Variants in SRFBP1 observed in about 807,000 individuals in gnomAD.
SRFBP1 encodes the protein serum response factor binding protein 1.
A neutral mutation model predicts 45.5 loss-of-function variants in SRFBP1; 47 were observed. The ratio of observed to expected loss-of-function variants is 1.03; its 90% confidence interval spans 0.82 to 1.32. The LOEUF is 1.32. SRFBP1 is among the 40% of genes most tolerant of loss of function. The pLI is 0.00. For synonymous variants in SRFBP1, 203 were observed against 166.3 expected (o/e 1.22, Z -1.70); for missense variants, 621 against 484.6 (o/e 1.28, Z -2.64).
At chr5:121,968,132 T>C (rs1309132570) in intron 1 of SRFBP1, among the ~76,000 whole-genome samples, 1 of 151,996 alleles carries the variant, frequency 6.6e-6, no homozygotes, top group Non-Finnish European at 1.5e-5. Flanking sequence ...TTACAAATTA[T>C]AAATTGTAGT....
intron 7 of SRFBP1, among the ~76,000 whole-genome samples, chr5:122,024,850 A>T (rs1299952355): frequency 6.6e-6 from 1 of 152,234 alleles, no homozygotes; most frequent in Non-Finnish European, 1.5e-5. Context: ...GTTTATTTAC[A>T]TATACAACTC....
intron 2 of SRFBP1, among the ~76,000 whole-genome samples, chr5:122,035,590 AT>A (rs1415602725): frequency 6.6e-6 from 1 of 152,136 alleles, no homozygotes; most frequent in East Asian, 1.9e-4. Flanking sequence ...AAGAAAATTT[AT>A]GATTTTGTAA....
intron 4 of SRFBP1, among the ~76,000 whole-genome samples, chr5:122,001,552 T>C (rs1267384845): frequency 7.5e-6 from 1 of 132,856 alleles, no homozygotes; most frequent in Non-Finnish European, 1.6e-5. Flanking sequence ...GTATCTTTTT[T>C]TTTTTTTTTT....
intron 2 of SRFBP1, among the ~76,000 whole-genome samples, chr5:122,048,242 G>A (rs1298681675): frequency 6.6e-6 from 1 of 152,142 alleles, no homozygotes; most frequent in Non-Finnish European, 1.5e-5. Flanking sequence ...TTTATTGAGA[G>A]TTTTTCACAT....
At chr5:121,971,427 G>A (rs1752194442) in intron 1 of SRFBP1, among the ~76,000 whole-genome samples, 1 of 151,886 alleles carries the variant, frequency 6.6e-6, no homozygotes, top group Non-Finnish European at 1.5e-5. Context: ...TCCATTCTCT[G>A]AAATATGAAA....
intron 7 of SRFBP1, among the ~76,000 whole-genome samples, chr5:122,024,338 C>G (rs1753424145): frequency 6.6e-6 from 1 of 152,208 alleles, no homozygotes; most frequent in African/African-American, 2.4e-5. Flanking sequence ...CACTGAACTG[C>G]TAAGCCAATG....
chr5:121,998,600 G>A (rs568271151), intron 4 of SRFBP1, among the ~76,000 whole-genome samples: 152 of 149,192 alleles, frequency 1.0e-3, no homozygotes, highest in Non-Finnish European at 1.7e-3. Flanking sequence ...CACCAGCATG[G>A]CACGTGTATA....
chr5:121,970,851 T>C (rs76656521), intron 1 of SRFBP1, among the ~76,000 whole-genome samples: 6,739 of 152,176 alleles, frequency 0.044, 175 homozygotes, highest in African/African-American at 0.06. Flanking sequence ...ACAGAATTTA[T>C]AACCTACTGG....
At chr5:121,967,471 A>C (rs573184688) in intron 1 of SRFBP1, among the ~76,000 whole-genome samples, 1 of 152,318 alleles carries the variant, frequency 6.6e-6, no homozygotes, top group East Asian at 1.9e-4. Context: ...ATTGTTGCTC[A>C]TCAGAAATAA....
chr5:121,988,677 G>A (rs144990637), intron 3 of SRFBP1, among the ~76,000 whole-genome samples: 11 of 152,290 alleles, frequency 7.2e-5, no homozygotes, highest in Admixed American at 3.9e-4. Context: ...GCCACCCAAA[G>A]TGAAAACACA....
chr5:121,965,571 C>T (rs1425240415), intron 1 of SRFBP1, among the ~76,000 whole-genome samples: 1 of 152,130 alleles, frequency 6.6e-6, no homozygotes, highest in Non-Finnish European at 1.5e-5. Flanking sequence ...GTACCAGTAC[C>T]ATGCTGTTTT....
chr5:121,970,380 A>G (rs1329566879), intron 1 of SRFBP1, among the ~76,000 whole-genome samples: 1 of 152,164 alleles, frequency 6.6e-6, no homozygotes, highest in African/African-American at 2.4e-5. Flanking sequence ...CAAATGGTAT[A>G]TTATCATCTC....
At chr5:122,072,638 G>T (rs1754482986) in intron 2 of SRFBP1, among the ~76,000 whole-genome samples, 1 of 152,064 alleles carries the variant, frequency 6.6e-6, no homozygotes, top group Admixed American at 6.5e-5. Context: ...TCCTTTAAAT[G>T]AAGTCCATGT....
chr5:121,971,328 AT>A (rs982811908), intron 1 of SRFBP1, among the ~76,000 whole-genome samples: 23 of 152,006 alleles, frequency 1.5e-4, no homozygotes, highest in Non-Finnish European at 7.4e-5. Context: ...GATAATTAGG[AT>A]TTAAGATTAA....
rs998143717 is a variant in SRFBP1 at position 121,984,210 on chromosome 5, A to G, written c.198+8823A>G. 4.0e-5 allele frequency among the ~76,000 whole-genome samples: 6 copies of G among 151,854 alleles called. 1 individual carries two copies. The South Asian group carries it at 1.0e-3, about 26-fold the overall frequency. ...CATAAGGCTTCGTGCCTTAGGGCAT[A>G]TGTCATAATGGATGGGAGTTTTGTA... On this transcript the variant is annotated intron_variant, in intron 3 of 7. Coordinates refer to ENST00000339397, the MANE Select transcript of SRFBP1 (RefSeq NM_152546.3).
chr5:121,982,683 A>G (rs1752434840), intron 3 of SRFBP1, among the ~76,000 whole-genome samples: 1 of 151,898 alleles, frequency 6.6e-6, no homozygotes, highest in Non-Finnish European at 1.5e-5. Context: ...GAGTCATAGT[A>G]TACACCTAAG....
Position 121,997,281 on chromosome 5 carries a change from T to C in SRFBP1, c.270+2611T>C, listed in dbSNP as rs1477921980. ...TTCAAACTATACTACAAGGCTACAG[T>C]AACCAAAACAGCATGGTACTGGTAC... On this transcript the variant is annotated intron_variant, in intron 4 of 7. Transcript: ENST00000339397. 5.4e-5 allele frequency among the ~76,000 whole-genome samples: 8 copies of C among 148,958 alleles called. No homozygotes were observed. The East Asian group carries it at 1.6e-3, about 29-fold the overall frequency.
At chr5:122,077,067 C>T, downstream of SRFBP1, 1 of 1,592,154 alleles carries the variant, frequency 6.3e-7, no homozygotes, top group Non-Finnish European at 8.5e-7. The surrounding 1 kb of genome is among the most constrained non-coding windows in gnomAD (Gnocchi z 4.9). Flanking sequence ...CAACTCCCTA[C>T]CCCTCTAGGT....
chr5:122,005,600 T>G (rs1752957686), intron 4 of SRFBP1, among the ~76,000 whole-genome samples: 1 of 152,180 alleles, frequency 6.6e-6, no homozygotes, highest in Admixed American at 6.5e-5. Flanking sequence ...TTTTTTAAAT[T>G]CATTCAGCCA....
Sources: allele counts gnomAD v4.1 joint callset (sites outside exome capture counted in the v4.1 genomes callset), GRCh38; gene constraint gnomAD v4.1.1; non-coding constraint Gnocchi (gnomAD v3.1); transcripts MANE v1.5; gene names NCBI Gene and HGNC (gene_info 2026-07-23, HGNC 2026-07-21).